CTNNA3: variants seen among roughly 807,000 people sequenced by gnomAD.
CTNNA3 encodes catenin alpha-3.
In CTNNA3, 76 loss-of-function variants were observed where a neutral mutation model predicts 95.7. The ratio of observed to expected loss-of-function variants is 0.79; its 90% CI spans 0.66 to 0.96. The LOEUF (loss-of-function observed/expected upper bound fraction) is 0.96, where lower values mean the gene tolerates loss of function less well. Among genes scored for constraint, CTNNA3 ranks in the 40% least tolerant of loss-of-function variants. The pLI, the probability that CTNNA3 is intolerant of heterozygous loss-of-function variation, is 0.00. For synonymous variants in CTNNA3, 431 were observed against 374.4 expected, an observed-to-expected ratio of 1.15 and a Z score of -1.74; for missense variants, 1,191 against 1,089.8, an observed-to-expected ratio of 1.09 and a Z score of -1.31.
intron 12 of CTNNA3, among the ~76,000 whole-genome samples, chr10:66,287,256 C>T (rs141928375): frequency 2.8e-4 from 42 of 152,238 alleles, no homozygotes; most frequent in African/African-American, 9.4e-4. Context: ...GATCACACCA[C>T]TGCAGTTCAG....
chr10:67,481,077 T>C (rs547038324), intron 5 of CTNNA3, among the ~76,000 whole-genome samples: 1 of 152,332 alleles, frequency 6.6e-6, no homozygotes, highest in African/African-American at 2.4e-5. Flanking sequence ...GTTTTAATTC[T>C]TTTTATGTGG....
chr10:67,379,527 T>G (rs1386322007), intron 5 of CTNNA3, among the ~76,000 whole-genome samples: 1 of 152,014 alleles, frequency 6.6e-6, no homozygotes, highest in African/African-American at 2.4e-5. Flanking sequence ...TTAGAAAGTA[T>G]CATGCGAATA....
intron 15 of CTNNA3, among the ~76,000 whole-genome samples, chr10:65,989,785 C>T (rs1410980437): frequency 6.6e-6 from 1 of 152,032 alleles, no homozygotes; most frequent in African/African-American, 2.4e-5. Context: ...CTATAGTCAT[C>T]CTACTCAACT....
At position 67,607,928 on chromosome 10, in the gene CTNNA3, G is replaced by A. The variant is rs150777128; in HGVS notation, c.100-879C>T. 1.7e-3 allele frequency among the ~76,000 whole-genome samples: 265 copies of A among 152,316 alleles called. 2 individuals carry two copies. The highest frequency in any genetic ancestry group is 5.8e-3 in the African/African-American group (240 of 41,570). ...GAAATGCATTTCATGCTTTCATGGA[G>A]TTTACATTCTTAATATCGGCAGCAT... On this transcript the variant is annotated intron_variant, in intron 2 of 17. Transcript: ENST00000433211.
chr10:67,205,890 T>C (rs1309286356), intron 6 of CTNNA3, among the ~76,000 whole-genome samples: 1 of 152,220 alleles, frequency 6.6e-6, no homozygotes, highest in African/African-American at 2.4e-5. Context: ...GTAAATCTTC[T>C]TAAAAGTGAA....
chr10:67,140,351 T>C (rs886075467), intron 7 of CTNNA3, among the ~76,000 whole-genome samples: 1 of 152,146 alleles, frequency 6.6e-6, no homozygotes, highest in African/African-American at 2.4e-5. Flanking sequence ...CCACTATTTA[T>C]GATTATTTTG....
At chr10:66,558,593 T>G (rs1243978936) in intron 10 of CTNNA3, among the ~76,000 whole-genome samples, 1 of 152,144 alleles carries the variant, frequency 6.6e-6, no homozygotes, top group African/African-American at 2.4e-5. Flanking sequence ...ATATTGATGG[T>G]TTCTACTTCA....
chr10:67,469,108 T>G (rs1269319966), intron 5 of CTNNA3, among the ~76,000 whole-genome samples: 1 of 152,186 alleles, frequency 6.6e-6, no homozygotes, highest in Non-Finnish European at 1.5e-5. Context: ...TTCTGTGAGC[T>G]GAAAACTCTA....
In CTNNA3 at chr10:66,897,948, C is replaced by T. The variant is rs75616109; in HGVS notation, c.1048-122424G>A. 1.9e-3 allele frequency among the ~76,000 whole-genome samples: 290 copies of T among 152,202 alleles called. 1 individual carries two copies. Among genetic ancestry groups the T allele is most frequent in the African/African-American group, 6.6e-3 (276 of 41,526 alleles). On this transcript the variant is annotated intron_variant, in intron 7 of 17. Transcript: ENST00000433211. ...AGGTGCCTTATTGATATGGTTATGT[C>T]CTGGTCAGGTCAGAAAATATAAGAG...
At chr10:66,433,961 G>A (rs2093317882) in intron 11 of CTNNA3, among the ~76,000 whole-genome samples, 4 of 152,080 alleles carry the variant, frequency 2.6e-5, no homozygotes, top group South Asian at 4.1e-4. Context: ...GTAGATGTGT[G>A]GTGTTATTTC....
intron 13 of CTNNA3, among the ~76,000 whole-genome samples, chr10:66,271,238 G>A (rs954898959): frequency 6.6e-6 from 1 of 152,074 alleles, no homozygotes; most frequent in Non-Finnish European, 1.5e-5. Flanking sequence ...AAAATTCCCA[G>A]TCTCCCTCCA....
At chr10:67,612,000 G>A (rs577461474) in intron 2 of CTNNA3, among the ~76,000 whole-genome samples, 8 of 152,162 alleles carry the variant, frequency 5.3e-5, no homozygotes, top group South Asian at 2.1e-4. Flanking sequence ...AACCAGTCTC[G>A]GGGAGGAGAG....
intron 1 of CTNNA3, among the ~76,000 whole-genome samples, chr10:67,657,313 T>C (rs1840052478): frequency 1.3e-5 from 2 of 152,156 alleles, no homozygotes. Flanking sequence ...AGTAGGCAGT[T>C]AGATATACAA....
intron 14 of CTNNA3, among the ~76,000 whole-genome samples, chr10:66,096,101 T>C (rs1020776482): frequency 2.0e-5 from 3 of 152,184 alleles, no homozygotes; most frequent in Non-Finnish European, 4.4e-5. Context: ...TGTCTTGTTT[T>C]TAATGTTCTA....
At chr10:67,668,445 A>G (rs1840370266) in intron 1 of CTNNA3, among the ~76,000 whole-genome samples, 1 of 152,184 alleles carries the variant, frequency 6.6e-6, no homozygotes, top group African/African-American at 2.4e-5. Context: ...CCTGCAAACT[A>G]TGATAAAGTT....
chr10:66,535,170 A>AC (rs1841609523), intron 10 of CTNNA3, among the ~76,000 whole-genome samples: 1 of 152,062 alleles, frequency 6.6e-6, no homozygotes, highest in Admixed American at 6.6e-5. Flanking sequence ...GAAAAAAAAA[A>AC]CCCTGAATTA....
At chr10:66,700,409 T>C (rs1381513074) in intron 9 of CTNNA3, among the ~76,000 whole-genome samples, 1 of 152,152 alleles carries the variant, frequency 6.6e-6, no homozygotes, top group African/African-American at 2.4e-5. Flanking sequence ...CATCGTGTCT[T>C]CTTGGTAGCC....
intron 13 of CTNNA3, among the ~76,000 whole-genome samples, chr10:66,235,960 C>T (rs1378041681): frequency 6.6e-6 from 1 of 152,070 alleles, no homozygotes; most frequent in Non-Finnish European, 1.5e-5. Flanking sequence ...CTCATAGTAG[C>T]ACTTTTGACA....
chr10:66,985,924 C>T (rs554392143), intron 7 of CTNNA3, among the ~76,000 whole-genome samples: 77 of 152,132 alleles, frequency 5.1e-4, no homozygotes, highest in African/African-American at 1.8e-3. Context: ...GACAGGGTTT[C>T]ACCATGTTGG....
Sources: gnomAD v4.1 joint callset for allele counts (sites outside exome capture counted in the v4.1 genomes callset) on GRCh38, gnomAD v4.1.1 for gene constraint, MANE v1.5 for transcripts, NCBI Gene and HGNC (gene_info 2026-07-23, HGNC 2026-07-21) for gene names.